STARD13: variants seen among roughly 807,000 people sequenced by gnomAD.
STARD13 encodes StAR related lipid transfer domain containing 13.
A neutral mutation model predicts 106.4 loss-of-function variants in STARD13; 62 were observed. The ratio of observed to expected loss-of-function variants is 0.58; its 90% CI spans 0.48 to 0.72. The LOEUF (loss-of-function observed/expected upper bound fraction) is 0.72. Ranked by LOEUF, STARD13 falls within the 30% of genes least tolerant of loss-of-function variation. The pLI, the probability that STARD13 is intolerant of heterozygous loss-of-function variation, is 0.00. For synonymous variants in STARD13, 565 were observed against 553.0 expected (o/e 1.02, Z -0.31); for missense variants, 1,387 against 1,424.0 (o/e 0.97, Z 0.42).
chr13:33,394,664 T>G, the STARD13 span, among the ~76,000 whole-genome samples: 1 of 152,172 alleles, frequency 6.6e-6, no homozygotes, highest in African/African-American at 2.4e-5. Flanking sequence ...GCATCAAAAT[T>G]TGGAGAATTA....
chr13:33,569,784 A>AT, the STARD13 span, among the ~76,000 whole-genome samples: 1 of 148,024 alleles, frequency 6.8e-6, no homozygotes, highest in Non-Finnish European at 1.5e-5. Context: ...AGAAATATTA[A>AT]TTTTCCCTTT....
In STARD13 at chr13:33,292,264, G is replaced by A. The variant is rs377631287; in HGVS notation, c.124+58026C>T. On this transcript the variant is annotated intron_variant, in intron 1 of 5. Transcript: ENST00000567873. ...TATCCGTAAGATGAAAAACAAAACA[G>A]TGGTCAAGATAAATACAGATCACCA... 1.3e-3 allele frequency among the ~76,000 whole-genome samples: 203 copies of A among 152,150 alleles called. 2 individuals are homozygous for A. The highest frequency in any genetic ancestry group is 4.7e-3 in the African/African-American group (195 of 41,502).
the STARD13 span, among the ~76,000 whole-genome samples, chr13:33,545,678 A>T: frequency 1.3e-5 from 2 of 152,236 alleles, no homozygotes; most frequent in East Asian, 1.9e-4. Flanking sequence ...ATAATGAGTG[A>T]GTTTTCTATT....
intron 1 of STARD13, among the ~76,000 whole-genome samples, chr13:33,187,066 T>C (rs572367956): frequency 4.5e-4 from 69 of 152,370 alleles, no homozygotes; most frequent in Middle Eastern, 3.4e-3. Context: ...TGGAATTTTC[T>C]CTCCCTTCTT....
At chr13:33,557,461 A>G in the STARD13 span, among the ~76,000 whole-genome samples, 2 of 152,182 alleles carry the variant, frequency 1.3e-5, no homozygotes, top group Admixed American at 6.5e-5. Flanking sequence ...TAGTTTTCAA[A>G]TGATCTTATT....
At chr13:33,440,459 C>T in the STARD13 span, among the ~76,000 whole-genome samples, 24 of 151,912 alleles carry the variant, frequency 1.6e-4, no homozygotes, top group African/African-American at 5.8e-4. Flanking sequence ...CTGACTACTC[C>T]TTCCTTCTGC....
chr13:33,517,405 T>A, the STARD13 span, among the ~76,000 whole-genome samples: 1 of 152,130 alleles, frequency 6.6e-6, no homozygotes, highest in Non-Finnish European at 1.5e-5. Flanking sequence ...CCATTAGAAA[T>A]TTTAAAAAAT....
chr13:33,546,824 C>G, the STARD13 span, among the ~76,000 whole-genome samples: 7 of 151,640 alleles, frequency 4.6e-5, no homozygotes, highest in Non-Finnish European at 1.0e-4. Flanking sequence ...CAATTTAAGC[C>G]TAATACATGT....
the STARD13 span, among the ~76,000 whole-genome samples, chr13:33,388,898 T>A: frequency 6.6e-6 from 1 of 152,004 alleles, no homozygotes; most frequent in Non-Finnish European, 1.5e-5. Context: ...AGTACCTCGC[T>A]GACTCTTTAC....
rs60435547 is a variant in STARD13 at position 33,177,842 on chromosome 13, A to G, written c.170-10220T>C. Among the ~76,000 whole-genome samples the G allele has an allele frequency of 3.9e-3, 45 of 11,572 alleles. 1 individual carries two copies. Among genetic ancestry groups the G allele is most frequent in the East Asian group, 7.5e-3 (3 of 398 alleles). The allele number at this position is 11,572 out of a possible 152,430, so 7.6% of individuals were successfully genotyped here. ...GAAGGAAGGAAGGAAGGAAGGAAGG[A>G]AAGGAAGGAAGGAAGGAAGGAAGGA... On this transcript the variant is annotated intron_variant, in intron 1 of 13. Transcript: ENST00000336934.
chr13:33,428,617 A>T, the STARD13 span, among the ~76,000 whole-genome samples: 1 of 152,160 alleles, frequency 6.6e-6, no homozygotes, highest in African/African-American at 2.4e-5. Context: ...ACAAGAAGAG[A>T]TCATCTCATC....
chr13:33,436,575 G>A, the STARD13 span, among the ~76,000 whole-genome samples: 1 of 152,068 alleles, frequency 6.6e-6, no homozygotes, highest in African/African-American at 2.4e-5. Flanking sequence ...CATTTCTGTT[G>A]TGAATTTTTA....
the STARD13 span, among the ~76,000 whole-genome samples, chr13:33,408,064 TTC>T: frequency 1.3e-5 from 2 of 152,202 alleles, no homozygotes; most frequent in Non-Finnish European, 2.9e-5. Context: ...AGAGCAGGCA[TTC>T]TCTACCCATT....
rs745966158 is a variant in STARD13, at chr13:33,130,034, A to C, written c.643T>G (p.Cys215Gly). The C allele has an allele frequency of 9.9e-6, 16 of 1,613,636 alleles. No individual in the cohort carries two copies. Among genetic ancestry groups the C allele is most frequent in the Non-Finnish European group, 1.3e-5 (15 of 1,179,916 alleles). ...AGCATGACCGGGTTGTCTGTACAGC[A>C]CTGGCCCGGCTGGCTGCGACTGTCG... Reference protein sequence around the residue: ...GSDSRSQPGQCCTDNPVMLDA... With the variant: ...GSDSRSQPGQGCTDNPVMLDA... The change falls in exon 5 of 14, where the codon TGC becomes GGC. Residue 215 changes from cysteine (C) to glycine (G), a missense_variant. By Grantham distance (159) the Cys-to-Gly change is radical. Transcript: ENST00000336934. The surrounding 1 kb of genome is among the most constrained non-coding windows in gnomAD (Gnocchi z 4.1).
At chr13:33,279,852 C>A (rs1001889811) in intron 1 of STARD13, 1 of 152,122 alleles carries the variant, frequency 6.6e-6, no homozygotes, top group African/African-American at 2.4e-5. Flanking sequence ...ATTCACTTAG[C>A]AGATTTTCCT....
At chr13:33,516,885 G>T in the STARD13 span, among the ~76,000 whole-genome samples, 2 of 149,118 alleles carry the variant, frequency 1.3e-5, no homozygotes, top group African/African-American at 5.0e-5. Context: ...AGGTTGTAGT[G>T]AGCTATGATT....
intron 1 of STARD13, among the ~76,000 whole-genome samples, chr13:33,268,172 G>A (rs9536936): frequency 0.28 from 42,715 of 152,004 alleles, 6,503 homozygotes; most frequent in East Asian, 0.69. Context: ...CCAAGAGTTC[G>A]ATAGCTATCT....
chr13:33,212,054 T>C (rs1221909423), intron 1 of STARD13, among the ~76,000 whole-genome samples: 1 of 152,180 alleles, frequency 6.6e-6, no homozygotes, highest in Non-Finnish European at 1.5e-5. Flanking sequence ...AGAAAGCTAA[T>C]AACAAATTAG....
intron 1 of STARD13, among the ~76,000 whole-genome samples, chr13:33,227,792 G>T (rs1399597806): frequency 1.3e-5 from 2 of 152,014 alleles, no homozygotes; most frequent in Non-Finnish European, 2.9e-5. Context: ...AGCACCATAA[G>T]GAGTATCAGT....
Sources: gnomAD v4.1 joint callset for allele counts (sites outside exome capture counted in the v4.1 genomes callset) on GRCh38, gnomAD v4.1.1 for gene constraint, Gnocchi (gnomAD v3.1) non-coding constraint, MANE v1.5 for transcripts, NCBI Gene and HGNC (gene_info 2026-07-23, HGNC 2026-07-21) for gene names.